TMEM87A: variants seen among roughly 807,000 people sequenced by gnomAD.
TMEM87A encodes the protein transmembrane protein 87A, also known as Golgi-pH regulating cation channel.
TMEM87A carries 50 observed loss-of-function variants against 90.0 expected under a neutral mutation model. The observed-to-expected ratio is 0.56, with a 90% CI of 0.44 to 0.70. The LOEUF is 0.70. Among genes scored for constraint, TMEM87A ranks in the 30% least tolerant of loss-of-function variants. The probability of loss-of-function intolerance (pLI) is 0.00; values close to 1 mark genes in which losing one functional copy is unlikely to be tolerated. For missense variants in TMEM87A, 577 were observed against 660.5 expected (o/e 0.87, Z 1.39); for synonymous variants, 226 against 226.7 (o/e 1.00, Z 0.03).
At chr15:42,220,584 G>A (rs895592500) in intron 15 of TMEM87A, among the ~76,000 whole-genome samples, 1 of 152,076 alleles carries the variant, frequency 6.6e-6, no homozygotes, top group Non-Finnish European at 1.5e-5. Context: ...ATTTAAAATC[G>A]CAGCCTTCAA....
At chr15:42,267,400 T>A (rs1595751083) in intron 3 of TMEM87A, among the ~76,000 whole-genome samples, 1 of 152,294 alleles carries the variant, frequency 6.6e-6, no homozygotes, top group East Asian at 1.9e-4. Context: ...AAAAAGAATA[T>A]CCTCAGTTAT....
At chr15:42,263,658 G>T (rs890205238) in intron 4 of TMEM87A, among the ~76,000 whole-genome samples, 5 of 152,156 alleles carry the variant, frequency 3.3e-5, no homozygotes, top group African/African-American at 1.2e-4. Flanking sequence ...TGAGGTGAAA[G>T]AATTGCTTAG....
chr15:42,237,323 TTAAG>T (rs1171258481), intron 9 of TMEM87A, 105 bp downstream of exon 9: 1 of 1,026,282 alleles, frequency 9.7e-7, no homozygotes, highest in East Asian at 2.6e-5. Flanking sequence ...ATTGTAATAA[TTAAG>T]TAATTGAAAA....
chr15:42,241,685 A>AT (rs1411431147), intron 7 of TMEM87A, among the ~76,000 whole-genome samples: 2 of 152,102 alleles, frequency 1.3e-5, no homozygotes, highest in South Asian at 4.1e-4. Context: ...AAAGACGGGT[A>AT]TTTTTAAAAT....
intron 7 of TMEM87A, 71 bp from the exon 8 acceptor site, chr15:42,239,802 G>T: frequency 1.6e-6 from 2 of 1,289,096 alleles, no homozygotes; most frequent in Non-Finnish European, 2.3e-6. Flanking sequence ...CCTAATATTT[G>T]TTTAATGAAC....
intron 13 of TMEM87A, among the ~76,000 whole-genome samples, chr15:42,228,429 C>G (rs886100541): frequency 1.3e-5 from 2 of 152,110 alleles, no homozygotes; most frequent in African/African-American, 4.8e-5. Context: ...GGCACTTAAG[C>G]TAACTAACCT....
intron 2 of TMEM87A, among the ~76,000 whole-genome samples, chr15:42,269,272 A>G (rs1157918948): frequency 6.6e-6 from 1 of 152,246 alleles, no homozygotes; most frequent in African/African-American, 2.4e-5. Context: ...AATAATAAAC[A>G]TGACAAAAAT....
chr15:42,245,128 A>G (rs1163099274), intron 6 of TMEM87A, among the ~76,000 whole-genome samples: 1 of 152,160 alleles, frequency 6.6e-6, no homozygotes, highest in African/African-American at 2.4e-5. Flanking sequence ...TCCATTTACT[A>G]GGTTATCTTA....
At chr15:42,240,437 A>G (rs2050848163) in intron 7 of TMEM87A, among the ~76,000 whole-genome samples, 1 of 152,232 alleles carries the variant, frequency 6.6e-6, no homozygotes, top group South Asian at 2.1e-4. Context: ...TCCATCCAAT[A>G]AACATAGAAT....
At chr15:42,246,473 G>A (rs561972819) in intron 6 of TMEM87A, among the ~76,000 whole-genome samples, 92 of 152,028 alleles carry the variant, frequency 6.1e-4, no homozygotes, top group African/African-American at 2.2e-3. Flanking sequence ...AGGCCCCACT[G>A]TGTGATGTTC....
intron 18 of TMEM87A, 98 bp from the exon 19 acceptor site, chr15:42,217,931 T>TGC: frequency 1.6e-6 from 2 of 1,228,062 alleles, no homozygotes; most frequent in Non-Finnish European, 2.3e-6. Flanking sequence ...GCTTTATAAT[T>TGC]ATCTAAGATT....
At position 42,237,504 on chromosome 15, in the gene TMEM87A, T is replaced by C; in HGVS notation, c.796A>G (p.Ile266Val). Residue 266 changes from isoleucine to valine, a missense_variant, in exon 9 of 20, where the codon ATC becomes GTC. Transcript: ENST00000389834. ...LRIQFWIGAV[I>V]FLGMLEKAVF... ...GCTTTCTCAAGCATTCCCAGGAAGA[T>C]GACAGCACCAATCCAAAACTGAATT... is the stretch of plus-strand genomic sequence containing the variant. The C allele has an allele frequency of 6.2e-7, 1 of 1,614,096 alleles. No individual in the cohort carries two copies. The highest frequency in any genetic ancestry group is 8.5e-7 in the Non-Finnish European group (1 of 1,180,028).
At chr15:42,252,432 A>G (rs117796064) in intron 6 of TMEM87A, among the ~76,000 whole-genome samples, 4,756 of 152,320 alleles carry the variant, frequency 0.031, 130 homozygotes, top group Non-Finnish European at 0.041. Context: ...TTATGAACAT[A>G]CAACATTTTA....
chr15:42,271,779 G>A (rs1188491583), intron 2 of TMEM87A, among the ~76,000 whole-genome samples: 4 of 150,990 alleles, frequency 2.6e-5, no homozygotes. Flanking sequence ...ATTCAATGTA[G>A]TATATACAGC....
chr15:42,225,444 A>G (rs1352706435), intron 15 of TMEM87A, among the ~76,000 whole-genome samples: 1 of 152,202 alleles, frequency 6.6e-6, no homozygotes, highest in Admixed American at 6.5e-5. Context: ...TACCCTTTCT[A>G]TCATTACAAA....
intron 6 of TMEM87A, among the ~76,000 whole-genome samples, chr15:42,256,802 CT>C (rs937503421): frequency 1.3e-5 from 2 of 152,178 alleles, no homozygotes; most frequent in African/African-American, 4.8e-5. Flanking sequence ...ACTGCAACCT[CT>C]GCCTCCCAGA....
rs1440716158 is a variant in TMEM87A, at chr15:42,260,934, C to T, written c.504+24G>A. On this transcript the variant is annotated intron_variant, in intron 6 of 19. Coordinates refer to ENST00000389834, the MANE Select transcript of TMEM87A (RefSeq NM_015497.5). ...AGAAAACTAAAATATGTGTTCAATG[C>T]CCCAAATCCCCAAATATACTTACGG... The T allele has an allele frequency of 3.7e-6, 6 of 1,602,598 alleles. No individual in the cohort carries two copies. The Admixed American group carries it at 5.1e-5, about 14-fold the overall frequency.
intron 7 of TMEM87A, among the ~76,000 whole-genome samples, chr15:42,241,660 T>A (rs979075992): frequency 6.6e-6 from 1 of 152,088 alleles, no homozygotes; most frequent in African/African-American, 2.4e-5. Flanking sequence ...ATGATGTATC[T>A]TCTCCATTCC....
chr15:42,236,226 A>T (rs1042952200), intron 10 of TMEM87A, 94 bp downstream of exon 10: 3 of 1,029,030 alleles, frequency 2.9e-6, no homozygotes, highest in Non-Finnish European at 4.5e-6. Flanking sequence ...TCTTTTATCA[A>T]CTATTTCAGA....
Sources: allele counts gnomAD v4.1 joint callset (sites outside exome capture counted in the v4.1 genomes callset), GRCh38; gene constraint gnomAD v4.1.1; transcripts MANE v1.5; gene names NCBI Gene and HGNC (gene_info 2026-07-23, HGNC 2026-07-21).